The following ADAM10 variants were observed in gnomAD, a reference collection of about 807,000 sequenced individuals.
The protein encoded by ADAM10 is disintegrin and metalloproteinase domain-containing protein 10.
Under a neutral mutation model 90.1 loss-of-function variants are expected in ADAM10, and 17 were observed. That is an observed-to-expected ratio of 0.19 (90% confidence interval 0.13 to 0.28). ADAM10 has a LOEUF of 0.28. ADAM10 is among the 10% of genes least tolerant of loss of function. The probability of loss-of-function intolerance (pLI) is 1.00; values close to 1 mark genes in which losing one functional copy is unlikely to be tolerated. For synonymous variants in ADAM10, 310 were observed against 298.6 expected (o/e 1.04, Z -0.40); for missense variants, 610 against 914.3 (o/e 0.67, Z 4.29).
At chr15:58,736,397 C>A (rs1405317615) in intron 1 of ADAM10, among the ~76,000 whole-genome samples, 2 of 151,744 alleles carry the variant, frequency 1.3e-5, no homozygotes, top group African/African-American at 4.9e-5. Context: ...TACTTATAAG[C>A]CCCATGGGAA....
rs759448671 is a variant in ADAM10 at position 58,599,622 on chromosome 15, A to G, written c.2128T>C (p.Leu710=). ...SVHTPSSNPK[L]PPPKPLPGTL... Reference sequence around the variant, plus strand: ...CCTGGAAGTGGTTTAGGAGGAGGCAACTTTGGATTACTACTTGGAGTATGA... The same window carrying G: ...CCTGGAAGTGGTTTAGGAGGAGGCAGCTTTGGATTACTACTTGGAGTATGA... Residue 710 remains leucine (L), a synonymous_variant, in exon 15 of 16, where the codon TTG becomes CTG. Coordinates refer to ENST00000260408, the MANE Select transcript of ADAM10 (RefSeq NM_001110.4). 1.9e-6 allele frequency: 3 copies of G among 1,613,526 alleles called. No homozygotes were observed. The South Asian group carries it at 3.3e-5, about 18-fold the overall frequency.
intron 6 of ADAM10, among the ~76,000 whole-genome samples, chr15:58,645,795 T>C (rs746289185): frequency 6.6e-6 from 1 of 152,144 alleles, no homozygotes; most frequent in Non-Finnish European, 1.5e-5. Context: ...AAATGAAAAT[T>C]CAACTCTCTT....
At chr15:58,621,322 C>G (rs1336659213) in intron 11 of ADAM10, 149 bp downstream of exon 11, 11 of 707,690 alleles carry the variant, frequency 1.6e-5, no homozygotes, top group Non-Finnish European at 2.3e-5. Flanking sequence ...AGAGCAGTAA[C>G]CAACACTACT....
rs544295902 is a variant in ADAM10, at chr15:58,624,554, CAG to C, written c.1361-2935_1361-2934del. On this transcript the variant is annotated intron_variant, in intron 10 of 15. Coordinates refer to ENST00000260408, the MANE Select transcript of ADAM10 (RefSeq NM_001110.4). The stretch of plus-strand genomic sequence containing the variant: ...GTACTGTTTGTTTGTTTGTCTGAGA[CAG>C]AGTCTCGCTCTGTTGCCCAGGTTAA... Among the ~76,000 whole-genome samples, 8 of 152,234 alleles carry C rather than the reference CAG, an allele frequency of 5.3e-5. No homozygotes were observed. The South Asian group carries it at 6.2e-4, about 12-fold the overall frequency.
At chr15:58,739,411 G>A (rs999696805) in intron 1 of ADAM10, among the ~76,000 whole-genome samples, 3 of 151,808 alleles carry the variant, frequency 2.0e-5, no homozygotes, top group Admixed American at 1.3e-4. Flanking sequence ...CAGCTACTCG[G>A]GAGGCTGAGG....
intron 1 of ADAM10, among the ~76,000 whole-genome samples, chr15:58,739,289 G>A (rs986724779): frequency 3.3e-5 from 5 of 151,204 alleles, no homozygotes; most frequent in African/African-American, 4.9e-5. Flanking sequence ...GGTGAATCAC[G>A]AGGTCAGGAG....
rs1388221365 is a variant in ADAM10 at position 58,592,245 on chromosome 15, T to C, written c.*5302A>G. On this transcript the variant is annotated 3_prime_UTR_variant, in exon 16 of 16. Coordinates refer to ENST00000260408, the MANE Select transcript of ADAM10 (RefSeq NM_001110.4). ...TTAGCAGTCACTGGCGATTATTGTC[T>C]AGATCCATAAATTGTTGGGGGGGTA... 6.6e-6 allele frequency: 1 copy of C among 152,216 alleles called. No homozygotes were observed. The highest frequency in any genetic ancestry group is 1.5e-5 in the Non-Finnish European group (1 of 68,032). The allele number at this position is 152,216 out of a possible 1,614,324, so 9.4% of individuals were successfully genotyped here.
chr15:58,598,764 A>C (rs12592750), intron 15 of ADAM10, among the ~76,000 whole-genome samples: 26,701 of 152,134 alleles, frequency 0.18, 2,689 homozygotes, highest in East Asian at 0.42. Flanking sequence ...CGAAGGGTTT[A>C]TTTCCTGTCC....
intron 1 of ADAM10, among the ~76,000 whole-genome samples, chr15:58,721,795 A>AG (rs1462920987): frequency 5.3e-5 from 8 of 152,122 alleles, no homozygotes; most frequent in African/African-American, 9.7e-5. Context: ...TGGGAGGCTG[A>AG]GGGGGGTGAA....
In ADAM10 at chr15:58,591,054, G is replaced by A. The variant is rs1248667351; in HGVS notation, c.*6493C>T. On this transcript the variant is annotated 3_prime_UTR_variant, in exon 16 of 16. Coordinates refer to ENST00000260408, the MANE Select transcript of ADAM10 (RefSeq NM_001110.4). ...CATTTACTCCAACGTGGGACACACAGGCTTAATGTGGATAAGCTGACCATA... is the reference window on the plus strand; with the variant it reads ...CATTTACTCCAACGTGGGACACACAAGCTTAATGTGGATAAGCTGACCATA... 6.6e-6 allele frequency: 1 copy of A among 152,212 alleles called. No homozygotes were observed. Among genetic ancestry groups the A allele is most frequent in the Non-Finnish European group, 1.5e-5 (1 of 68,046 alleles). 9.4% of individuals were successfully genotyped at this position (152,212 alleles called of 1,614,324 possible).
intron 12 of ADAM10, 153 bp downstream of exon 12, chr15:58,611,655 T>C: frequency 1.4e-6 from 1 of 692,256 alleles, no homozygotes; most frequent in Non-Finnish European, 2.4e-6. Flanking sequence ...GCTAATTGAA[T>C]GCCACATAAT....
chr15:58,673,520 G>A (rs191794585), intron 4 of ADAM10, among the ~76,000 whole-genome samples: 54 of 150,564 alleles, frequency 3.6e-4, no homozygotes, highest in Non-Finnish European at 4.0e-4. Flanking sequence ...ATTTTATATT[G>A]ATGTTTTAAG....
intron 1 of ADAM10, among the ~76,000 whole-genome samples, chr15:58,741,598 A>G (rs1335192223): frequency 1.3e-5 from 2 of 152,258 alleles, no homozygotes; most frequent in Admixed American, 1.3e-4. Flanking sequence ...TCAAAGTTTT[A>G]TAAAACCACA....
chr15:58,700,134 T>C (rs1898089900), intron 2 of ADAM10, among the ~76,000 whole-genome samples: 1 of 152,184 alleles, frequency 6.6e-6, no homozygotes. Context: ...TCAACTGCAA[T>C]ACCATAATAG....
intron 5 of ADAM10, among the ~76,000 whole-genome samples, chr15:58,662,534 T>A (rs1168722170): frequency 6.6e-6 from 1 of 152,084 alleles, no homozygotes; most frequent in African/African-American, 2.4e-5. Context: ...ATTATGGAGA[T>A]GAGATCTGGC....
chr15:58,616,477 G>A (rs1196050894), intron 11 of ADAM10, among the ~76,000 whole-genome samples: 1 of 152,060 alleles, frequency 6.6e-6, no homozygotes, highest in East Asian at 1.9e-4. Flanking sequence ...ATCACAAGGG[G>A]AACTTTAGAA....
At position 58,709,566 on chromosome 15, in the gene ADAM10, C is replaced by T. The variant is rs975191166; in HGVS notation, c.206+8011G>A. Among the ~76,000 whole-genome samples, 3 of 151,812 alleles carry T rather than the reference C, an allele frequency of 2.0e-5. No individual in the cohort carries two copies. The East Asian group carries it at 5.8e-4, about 30-fold the overall frequency. ...CCAGCCTGGCCAACATAGTGAAACC[C>T]CCATCTCTACTAAAAATACAAAAAT... On this transcript the variant is annotated intron_variant, in intron 2 of 15. Coordinates refer to ENST00000260408, the MANE Select transcript of ADAM10 (RefSeq NM_001110.4).
intron 2 of ADAM10, among the ~76,000 whole-genome samples, chr15:58,700,548 A>T (rs1898104786): frequency 6.6e-6 from 1 of 152,194 alleles, no homozygotes; most frequent in South Asian, 2.1e-4. Context: ...TTGAAACACG[A>T]CATACCAAAA....
At chr15:58,641,057 G>T in intron 7 of ADAM10, 97 bp from the exon 8 acceptor site, 2 of 1,178,826 alleles carry the variant, frequency 1.7e-6, no homozygotes, top group Non-Finnish European at 1.2e-6. Flanking sequence ...TGGACAATAT[G>T]CTCCCATGGA....
Sources: gnomAD v4.1 joint callset for allele counts (sites outside exome capture counted in the v4.1 genomes callset) on GRCh38, gnomAD v4.1.1 for gene constraint, MANE v1.5 for transcripts, NCBI Gene and HGNC (gene_info 2026-07-23, HGNC 2026-07-21) for gene names.